Variants in ZNF426 observed in about 807,000 individuals in gnomAD.
ZNF426 encodes zinc finger protein 426.
A neutral mutation model predicts 24.0 loss-of-function variants in ZNF426; 23 were observed. The observed-to-expected ratio is 0.96, with a 90% CI of 0.69 to 1.36. The LOEUF is 1.36. Among genes scored for constraint, ZNF426 ranks in the 40% most tolerant of loss-of-function variants. ZNF426 has a pLI of 0.00. For missense variants in ZNF426, 646 were observed against 658.4 expected, an observed-to-expected ratio of 0.98 and a Z score of 0.21; for synonymous variants, 272 against 224.6, an observed-to-expected ratio of 1.21 and a Z score of -1.89.
At chr19:9,536,125 G>T in intron 3 of ZNF426, 83 bp downstream of exon 3, 1 of 1,578,928 alleles carries the variant, frequency 6.3e-7, no homozygotes, top group South Asian at 1.1e-5. Context: ...TCAGCAACAT[G>T]ACCAGCTGCC....
Position 9,525,125 on chromosome 19 carries a change from T to C in ZNF426, c.*3255A>G, listed in dbSNP as rs925775118. 4.6e-5 allele frequency: 7 copies of C among 151,264 alleles called. No homozygotes were observed. The highest frequency in any genetic ancestry group is 1.7e-4 in the African/African-American group (7 of 41,254). The allele number at this position is 151,264 out of a possible 1,614,324, so 9.4% of individuals were successfully genotyped here. A position where few individuals can be genotyped will look rare whatever the true frequency, so the allele number is the denominator to read the frequency against. ...TTAGCCGGGCGTGGTAGCGGGCGCC[T>C]GTAGTCCCAGCTACTCGGGAGGCTG... On this transcript the variant is annotated 3_prime_UTR_variant, in exon 8 of 8. Transcript: ENST00000253115.
chr19:9,525,335 AGGGC>A lies in ZNF426; in HGVS notation c.*3041_*3044del, dbSNP rs2073781738. ...CCTTTTCAACATTTCTTATGCTGAA[AGGGC>A]ATCTCTCCAGAGTAAATTTTCACAC... On this transcript the variant is annotated 3_prime_UTR_variant, in exon 8 of 8. Transcript: ENST00000253115. 1.3e-5 allele frequency: 2 copies of A among 152,222 alleles called. No individual in the cohort carries two copies. Among genetic ancestry groups the A allele is most frequent in the African/African-American group, 4.8e-5 (2 of 41,458 alleles). 9.4% of individuals were successfully genotyped at this position (152,222 alleles called of 1,614,324 possible).
rs372117700 is a variant in ZNF426, at chr19:9,529,187, T to G, written c.858A>C (p.Gly286=). 3 of 1,614,096 alleles carry G rather than the reference T, an allele frequency of 1.9e-6. No individual in the cohort carries two copies. The African/African-American group carries it at 4.0e-5, about 22-fold the overall frequency. The part of the protein sequence containing the change: ...AKKPYKCKEC[G]KGYRYPAYLS... ...GGTAGGCTGGGTATCTATAGCCTTTTCCACATTCCTTACATTTGTAGGGCT... is the reference window on the plus strand; with the variant it reads ...GGTAGGCTGGGTATCTATAGCCTTTGCCACATTCCTTACATTTGTAGGGCT... The change falls in exon 8 of 8, where the codon GGA becomes GGC. Residue 286 remains glycine (G), a synonymous_variant. Transcript: ENST00000253115.
rs1599709093 is a variant in ZNF426, at chr19:9,529,006, G to A, written c.1039C>T (p.Gln347Ter). The change falls in exon 8 of 8, where the codon CAG becomes TAG. Residue 347 changes from glutamine (Q) to a stop codon, truncating the protein, a stop_gained. Coordinates refer to ENST00000253115, the MANE Select transcript of ZNF426 (RefSeq NM_024106.3). LOFTEE classifies it low-confidence loss of function (END_TRUNC). ...VCKECGKAFTQYSGLSMHVRS... is the reference protein window; with the variant it reads ...VCKECGKAFT ...ACATGCATACTAAGGCCCGAGTACT[G>A]AGTGAAGGCTTTCCCACATTCCTTA... 1 of 1,612,600 alleles carries A rather than the reference G, an allele frequency of 6.2e-7. No individual in the cohort carries two copies. Among genetic ancestry groups the A allele is most frequent in the African/African-American group, 1.3e-5 (1 of 74,622 alleles).
rs769523739 is a variant in ZNF426, at chr19:9,529,356, CCA to C, written c.687_688del (p.Cys229TrpfsTer6). The C allele has an allele frequency of 8.1e-6, 13 of 1,614,102 alleles. No homozygotes were observed. The highest frequency in any genetic ancestry group is 1.1e-5 in the Non-Finnish European group (13 of 1,180,046). On this transcript the variant is annotated frameshift_variant, in exon 8 of 8. Coordinates refer to ENST00000253115, the MANE Select transcript of ZNF426 (RefSeq NM_024106.3). LOFTEE classifies it low-confidence loss of function (END_TRUNC). ...GTATGACTCATTAATGAAGGATTTT[CCA>C]CAGTGACTACATTCAAATGACTTTT...
At chr19:9,530,903 C>G in intron 7 of ZNF426, 82 bp downstream of exon 7, 1 of 1,133,420 alleles carries the variant, frequency 8.8e-7, no homozygotes, top group Admixed American at 1.8e-5. Flanking sequence ...TCAAATATCT[C>G]TTATTTTTGC....
At chr19:9,535,064 C>A (rs1351218052) in intron 4 of ZNF426, 124 bp downstream of exon 4, 3 of 680,892 alleles carry the variant, frequency 4.4e-6, no homozygotes, top group Admixed American at 2.8e-5. Context: ...GGCAACACAG[C>A]GAGACTCCCT....
chr19:9,535,675 A>T (rs1181365936), intron 3 of ZNF426, among the ~76,000 whole-genome samples: 5 of 151,684 alleles, frequency 3.3e-5, no homozygotes, highest in Admixed American at 6.6e-5. Flanking sequence ...CTACAAAAAA[A>T]TTTTTTTAAT....
In ZNF426 at chr19:9,527,953, A is replaced by T. The variant is rs2144763970; in HGVS notation, c.*427T>A. On this transcript the variant is annotated 3_prime_UTR_variant, in exon 8 of 8. Transcript: ENST00000253115. ...GGACACCAATCATATTGGATTAGGG[A>T]TGTACTCTAACAGACTCAATTTAAT... 1 of 156,616 alleles carries T rather than the reference A, an allele frequency of 6.4e-6. No individual in the cohort carries two copies. The highest frequency in any genetic ancestry group is 1.9e-4 in the East Asian group (1 of 5,250). The allele number at this position is 156,616 out of a possible 1,614,324, so 9.7% of individuals were successfully genotyped here. A position where few individuals can be genotyped will look rare whatever the true frequency, so the allele number is the denominator to read the frequency against.
intron 1 of ZNF426, 101 bp downstream of exon 1, chr19:9,538,474 T>C (rs1300863214): frequency 1.3e-5 from 2 of 152,316 alleles, no homozygotes; most frequent in Admixed American, 1.3e-4. Flanking sequence ...GAGCGGACGC[T>C]AGCGGGCCCA....
rs1217282666 is a variant in ZNF426 at position 9,524,462 on chromosome 19, T to A, written c.*3918A>T. 6.6e-6 allele frequency: 1 copy of A among 152,194 alleles called. No homozygotes were observed. Among genetic ancestry groups the A allele is most frequent in the Admixed American group, 6.5e-5 (1 of 15,284 alleles). 9.4% of individuals were successfully genotyped at this position (152,194 alleles called of 1,614,324 possible). Reference sequence around the variant, plus strand: ...AAGATTTCTCTCCAGTGTGAGTTCTTTAATGACATGGAAAGGGACTGTAAG... The same window carrying A: ...AAGATTTCTCTCCAGTGTGAGTTCTATAATGACATGGAAAGGGACTGTAAG... On this transcript the variant is annotated 3_prime_UTR_variant, in exon 8 of 8. Coordinates refer to ENST00000253115, the MANE Select transcript of ZNF426 (RefSeq NM_024106.3).
rs756444801 is a variant in ZNF426, at chr19:9,528,683, C to T, written c.1362G>A (p.Gly454=). Residue 454 remains glycine (G), a synonymous_variant, in exon 8 of 8, where the codon GGG becomes GGA. Transcript: ENST00000253115. ...GGTGGGTGGAATAGTTAAAAGCCTT[C>T]CCACATTCCTTACAGGTGTATGGTT... ...AQKPYTCKEC[G]KAFNYSTHLK... is the part of the protein sequence containing the mutation. The T allele has an allele frequency of 1.9e-6, 3 of 1,614,080 alleles. No homozygotes were observed. Among genetic ancestry groups the T allele is most frequent in the East Asian group, 2.2e-5 (1 of 44,862 alleles).
At chr19:9,536,066 G>T in intron 3 of ZNF426, 142 bp downstream of exon 3, 1 of 978,998 alleles carries the variant, frequency 1.0e-6, no homozygotes, top group South Asian at 1.6e-5. Context: ...GGCAGAGCCT[G>T]ACTCACAAGA....
At position 9,528,983 on chromosome 19, in the gene ZNF426, A is replaced by G; in HGVS notation, c.1062T>C (p.His354=). Residue 354 remains histidine (H), a synonymous_variant, in exon 8 of 8, where the codon CAT becomes CAC. Coordinates refer to ENST00000253115, the MANE Select transcript of ZNF426 (RefSeq NM_024106.3). The part of the protein sequence containing the change: ...AFTQYSGLSM[H]VRSHSGDKPY... The stretch of plus-strand genomic sequence containing the variant: ...GCTTGTCTCCACTGTGAGATCGTAC[A>G]TGCATACTAAGGCCCGAGTACTGAG... 2 of 1,613,880 alleles carry G rather than the reference A, an allele frequency of 1.2e-6. No homozygotes were observed. Among genetic ancestry groups the G allele is most frequent in the Non-Finnish European group, 1.7e-6 (2 of 1,179,934 alleles).
At chr19:9,530,947 G>A in intron 7 of ZNF426, 38 bp downstream of exon 7, 3 of 1,517,116 alleles carry the variant, frequency 2.0e-6, no homozygotes, top group Non-Finnish European at 2.7e-6. Context: ...GATTTTCTCT[G>A]AGGGTGGAAA....
In ZNF426 at chr19:9,528,994, G is replaced by A. The variant is rs1485017501; in HGVS notation, c.1051C>T (p.Leu351Phe). The A allele has an allele frequency of 1.2e-6, 2 of 1,613,182 alleles. No individual in the cohort carries two copies. The highest frequency in any genetic ancestry group is 1.7e-5 in the Admixed American group (1 of 59,942). The change falls in exon 8 of 8, where the codon CTT becomes TTT. Residue 351 changes from leucine to phenylalanine, a missense_variant. Leu to Phe is a conservative substitution (Grantham distance 22). Coordinates refer to ENST00000253115, the MANE Select transcript of ZNF426 (RefSeq NM_024106.3). The stretch of plus-strand genomic sequence containing the variant: ...CTGTGAGATCGTACATGCATACTAA[G>A]GCCCGAGTACTGAGTGAAGGCTTTC... Reference protein sequence around the residue: ...CGKAFTQYSGLSMHVRSHSGD... With the variant: ...CGKAFTQYSGFSMHVRSHSGD...
Position 9,536,216 on chromosome 19 carries a change from A to G in ZNF426, c.17T>C (p.Leu6Ser), listed in dbSNP as rs1911460299. 6.2e-7 allele frequency: 1 copy of G among 1,614,074 alleles called. No individual in the cohort carries two copies. The highest frequency in any genetic ancestry group is 1.3e-5 in the African/African-American group (1 of 74,916). Residue 6 changes from leucine to serine, a missense_variant, in exon 3 of 8, where the codon TTG becomes TCG. Coordinates refer to ENST00000253115, the MANE Select transcript of ZNF426 (RefSeq NM_024106.3). MAAAD[L>S]SHGHYLSGDP... ...AGAGCAACAGAGCTTACCATGGGAC[A>G]AATCAGCAGCTGCCATCCCGCGAGG... is the stretch of plus-strand genomic sequence containing the variant.
At chr19:9,530,046 G>T (rs1014000071) in intron 7 of ZNF426, among the ~76,000 whole-genome samples, 4 of 152,060 alleles carry the variant, frequency 2.6e-5, no homozygotes, top group Admixed American at 2.6e-4. Flanking sequence ...GCTTGAACCT[G>T]GGAGGCGGAG....
intron 5 of ZNF426, among the ~76,000 whole-genome samples, chr19:9,533,366 G>A (rs943064314): frequency 2.6e-5 from 4 of 152,128 alleles, no homozygotes; most frequent in African/African-American, 9.7e-5. Flanking sequence ...TGAGGCCCAA[G>A]AATCGCTTGA....
Sources: gnomAD v4.1 joint callset for allele counts (sites outside exome capture counted in the v4.1 genomes callset) on GRCh38, gnomAD v4.1.1 for gene constraint, MANE v1.5 for transcripts, NCBI Gene and HGNC (gene_info 2026-07-23, HGNC 2026-07-21) for gene names.